The following CADM2 variants were observed in gnomAD, a reference collection of about 807,000 sequenced individuals.
CADM2 encodes the protein cell adhesion molecule 2, also known as immunoglobulin superfamily member 4D.
CADM2 carries 12 observed loss-of-function variants against 49.8 expected under a neutral mutation model. The observed-to-expected ratio is 0.24, with a 90% CI of 0.15 to 0.39. The LOEUF (loss-of-function observed/expected upper bound fraction) is 0.39. Among genes scored for constraint, CADM2 ranks in the 10% least tolerant of loss-of-function variants. The pLI is 1.00. For missense variants in CADM2, 378 were observed against 492.3 expected (o/e 0.77, Z 2.20); for synonymous variants, 214 against 175.4 (o/e 1.22, Z -1.74).
intron 8 of CADM2, among the ~76,000 whole-genome samples, chr3:86,029,656 C>T (rs1020028055): frequency 1.3e-5 from 2 of 151,910 alleles, no homozygotes; most frequent in Non-Finnish European, 2.9e-5. Flanking sequence ...AAGTGACTTA[C>T]TCACCATCCC....
chr3:85,400,860 T>G (rs1432189228), intron 1 of CADM2, among the ~76,000 whole-genome samples: 1 of 152,128 alleles, frequency 6.6e-6, no homozygotes, highest in African/African-American at 2.4e-5. Flanking sequence ...CTTCAGCACT[T>G]CTCTTTTGTG....
chr3:84,973,799 C>T (rs1293660990), intron 1 of CADM2, among the ~76,000 whole-genome samples: 1 of 152,090 alleles, frequency 6.6e-6, no homozygotes, highest in African/African-American at 2.4e-5. Flanking sequence ...TATATTAAAA[C>T]TCCCGCCTTG....
At chr3:86,047,385 A>T (rs901491799) in intron 8 of CADM2, among the ~76,000 whole-genome samples, 4 of 152,258 alleles carry the variant, frequency 2.6e-5, no homozygotes, top group African/African-American at 7.2e-5. Flanking sequence ...GGAAGCTTTT[A>T]TCATATTTAT....
chr3:86,003,840 G>A (rs766556460), intron 8 of CADM2, among the ~76,000 whole-genome samples: 1 of 152,120 alleles, frequency 6.6e-6, no homozygotes, highest in Non-Finnish European at 1.5e-5. Context: ...TTCAGAAGGG[G>A]GTGGCCCAAA....
chr3:85,932,613 A>G (rs975293512), intron 6 of CADM2, among the ~76,000 whole-genome samples: 2 of 152,142 alleles, frequency 1.3e-5, no homozygotes, highest in Admixed American at 1.3e-4. Context: ...AACCAGGAGT[A>G]TATGTGTGGC....
intron 1 of CADM2, among the ~76,000 whole-genome samples, chr3:85,352,981 A>G (rs1351710518): frequency 6.6e-6 from 1 of 152,118 alleles, no homozygotes; most frequent in Non-Finnish European, 1.5e-5. Flanking sequence ...AAGTCAGCTT[A>G]CAATGAATAT....
At chr3:85,470,849 C>T (rs941257714) in intron 1 of CADM2, among the ~76,000 whole-genome samples, 17 of 152,094 alleles carry the variant, frequency 1.1e-4, no homozygotes, top group African/African-American at 4.1e-4. Flanking sequence ...AGTTCAACTG[C>T]ATATGTTCCA....
rs1382553620 is a variant in CADM2, at chr3:85,902,362, C to T, written c.530-10011C>T. Among the ~76,000 whole-genome samples, 91 of 151,666 alleles carry T rather than the reference C, an allele frequency of 6.0e-4. 1 individual carries two copies. Among genetic ancestry groups the T allele is most frequent in the Non-Finnish European group, 2.9e-5 (2 of 67,858 alleles). ...GCTTTCTATTGCTTGCTGTTTGTAT[C>T]ATATATTATTTTTCATCCTTTTATT... is the stretch of plus-strand genomic sequence containing the variant. On this transcript the variant is annotated intron_variant, in intron 5 of 9. Coordinates refer to ENST00000383699, the MANE Select transcript of CADM2 (RefSeq NM_001167675.2).
At chr3:85,554,962 C>T (rs1383681624) in intron 1 of CADM2, among the ~76,000 whole-genome samples, 2 of 150,990 alleles carry the variant, frequency 1.3e-5, no homozygotes, top group Non-Finnish European at 1.5e-5. Flanking sequence ...ACCATCCTCT[C>T]ACCTTGGCCT....
chr3:85,722,427 T>G (rs892518316), intron 1 of CADM2, among the ~76,000 whole-genome samples: 1 of 152,268 alleles, frequency 6.6e-6, no homozygotes, highest in African/African-American at 2.4e-5. Flanking sequence ...ATCTATAAAT[T>G]TTTGCTTAGG....
intron 1 of CADM2, among the ~76,000 whole-genome samples, chr3:85,117,539 G>A (rs1019892075): frequency 7.2e-5 from 11 of 152,014 alleles, no homozygotes; most frequent in African/African-American, 2.7e-4. Context: ...ATAAGCCTCA[G>A]GGTGTTTTGA....
At chr3:85,301,119 T>C (rs983881157) in intron 1 of CADM2, among the ~76,000 whole-genome samples, 1 of 152,088 alleles carries the variant, frequency 6.6e-6, no homozygotes, top group African/African-American at 2.4e-5. Flanking sequence ...AAAGTGGATA[T>C]GGAAAATACA....
chr3:85,375,662 CA>C (rs1479978734), intron 1 of CADM2, among the ~76,000 whole-genome samples: 2 of 152,108 alleles, frequency 1.3e-5, no homozygotes, highest in Non-Finnish European at 2.9e-5. Flanking sequence ...AACAAACGAA[CA>C]CATTTTGAAT....
intron 8 of CADM2, among the ~76,000 whole-genome samples, chr3:86,038,525 A>G (rs868168403): frequency 6.6e-6 from 1 of 152,276 alleles, no homozygotes; most frequent in Middle Eastern, 3.4e-3. Context: ...CTACTTTACT[A>G]TAGCCTGACT....
chr3:85,022,165 A>G (rs376239078), intron 1 of CADM2, among the ~76,000 whole-genome samples: 1 of 152,334 alleles, frequency 6.6e-6, no homozygotes. Flanking sequence ...ACAGCACCAT[A>G]GTAACATCAT....
intron 1 of CADM2, among the ~76,000 whole-genome samples, chr3:85,319,142 C>T (rs2044539914): frequency 6.6e-6 from 1 of 152,154 alleles, no homozygotes. Flanking sequence ...ATTAGAAGTT[C>T]TGATAATAAA....
rs577405295 is a variant in CADM2, at chr3:85,048,396, C to T, written c.61+88728C>T. ...ATAAGTATAAAAATGGACAAGGAAA[C>T]ATTTCCCAGAGCTCATATCCCATGG... On this transcript the variant is annotated intron_variant, in intron 1 of 9. Coordinates refer to ENST00000383699, the MANE Select transcript of CADM2 (RefSeq NM_001167675.2). Among the ~76,000 whole-genome samples the T allele has an allele frequency of 2.1e-4, 32 of 152,262 alleles. No homozygotes were observed. The South Asian group carries it at 5.8e-3, about 28-fold the overall frequency.
At chr3:85,101,051 C>T (rs1488880580) in intron 1 of CADM2, among the ~76,000 whole-genome samples, 3 of 152,070 alleles carry the variant, frequency 2.0e-5, no homozygotes, top group Non-Finnish European at 4.4e-5. Context: ...GTTAGGAGTT[C>T]AAGACCAATC....
intron 1 of CADM2, among the ~76,000 whole-genome samples, chr3:85,385,360 G>A (rs72905459): frequency 0.089 from 13,599 of 152,228 alleles, 1,975 homozygotes; most frequent in African/African-American, 0.31. Context: ...GAGTGAGCAG[G>A]GAGGGAAAAT....
Sources: allele counts gnomAD v4.1 joint callset (sites outside exome capture counted in the v4.1 genomes callset), GRCh38; gene constraint gnomAD v4.1.1; transcripts MANE v1.5; gene names NCBI Gene and HGNC (gene_info 2026-07-23, HGNC 2026-07-21).